DHRSX: variants seen among roughly 807,000 people sequenced by gnomAD.
The protein encoded by DHRSX is dehydrogenase/reductase X-linked.
A neutral mutation model predicts 34.0 loss-of-function variants in DHRSX; 31 were observed. The ratio of observed to expected loss-of-function variants is 0.91; its 90% CI spans 0.69 to 1.23. The LOEUF is 1.23. DHRSX is among the 50% of genes most tolerant of loss of function. The pLI is 0.00. For missense variants in DHRSX, 414 were observed against 428.1 expected (o/e 0.97, Z 0.29); for synonymous variants, 201 against 183.8 (o/e 1.09, Z -0.76).
chrX:2,243,250 A>AG lies in DHRSX; in HGVS notation c.597-21dup. On this transcript the variant is annotated intron_variant, in intron 5 of 6. Transcript: ENST00000334651. The stretch of plus-strand genomic sequence containing the variant: ...CAGGCACTGTGGGGCAAGCAGGAGA[A>AG]GGTGTAAGAGGCTGACGGCGTTCAC... 6.2e-7 allele frequency: 1 copy of AG among 1,609,096 alleles called. No individual in the cohort carries two copies. Among genetic ancestry groups the AG allele is most frequent in the Non-Finnish European group, 8.5e-7 (1 of 1,176,252 alleles).
chrX:2,406,344 C>A (rs1257184477), intron 3 of DHRSX, among the ~76,000 whole-genome samples: 8 of 152,020 alleles, frequency 5.3e-5, no homozygotes, highest in Admixed American at 3.9e-4. Flanking sequence ...CACTAATCAT[C>A]AGGGAAATGC....
At chrX:2,239,683 G>A (rs1326704687) in intron 6 of DHRSX, among the ~76,000 whole-genome samples, 3 of 151,988 alleles carry the variant, frequency 2.0e-5, no homozygotes, top group East Asian at 1.9e-4. Flanking sequence ...GCAGGAGAAC[G>A]GCATGAACCT....
At chrX:2,451,374 C>T (rs28544256) in intron 1 of DHRSX, among the ~76,000 whole-genome samples, 1 of 152,022 alleles carries the variant, frequency 6.6e-6, no homozygotes, top group African/African-American at 2.4e-5. Context: ...CAAGTCTACA[C>T]GAATATAAAG....
At chrX:2,377,286 C>T (rs926849107) in intron 3 of DHRSX, among the ~76,000 whole-genome samples, 37 of 151,806 alleles carry the variant, frequency 2.4e-4, no homozygotes, top group Non-Finnish European at 5.1e-4. Flanking sequence ...CAATACAACT[C>T]ATTGCCATGT....
At chrX:2,422,691 C>T (rs975572150) in intron 2 of DHRSX, among the ~76,000 whole-genome samples, 6 of 152,134 alleles carry the variant, frequency 3.9e-5, no homozygotes, top group African/African-American at 1.2e-4. Context: ...CACTTGTAAT[C>T]CCAGCACTTT....
intron 3 of DHRSX, among the ~76,000 whole-genome samples, chrX:2,348,267 G>T (rs989087276): frequency 6.6e-6 from 1 of 152,176 alleles, no homozygotes; most frequent in African/African-American, 2.4e-5. Context: ...TCTGTGTTCT[G>T]GCCTCTGAGA....
intron 1 of DHRSX, among the ~76,000 whole-genome samples, chrX:2,499,627 C>G (rs2045363263): frequency 1.3e-5 from 2 of 151,702 alleles, no homozygotes; most frequent in South Asian, 4.2e-4. Flanking sequence ...AAAACATTAG[C>G]CAGGCGTGGT....
chrX:2,304,171 T>TAGATG (rs2042065675), intron 3 of DHRSX, among the ~76,000 whole-genome samples: 1 of 72,752 alleles, frequency 1.4e-5, no homozygotes, highest in Non-Finnish European at 2.4e-5. Flanking sequence ...ATGGATGAAC[T>TAGATG]GATGGATGGA....
intron 3 of DHRSX, among the ~76,000 whole-genome samples, chrX:2,380,300 CAAAAAAAAAAA>C (rs60910908): frequency 2.7e-3 from 114 of 41,624 alleles, no homozygotes; most frequent in Admixed American, 9.1e-3. Context: ...GACTCCGTCT[CAAAAAAAAAAA>C]AAAAAAAAAA....
At position 2,313,313 on chromosome X, in the gene DHRSX, T is replaced by G. The variant is rs1480520110; in HGVS notation, c.287-21710A>C. Among the ~76,000 whole-genome samples the G allele has an allele frequency of 2.6e-5, 4 of 151,986 alleles. No individual in the cohort carries two copies. In the South Asian group the frequency reaches 6.2e-4, roughly 24 times the overall value. On this transcript the variant is annotated intron_variant, in intron 3 of 6. Transcript: ENST00000334651. The stretch of plus-strand genomic sequence containing the variant: ...ATGAGCCACCGTACCTGGCCCAAGA[T>G]ATCCCTTTTTAGGCCAAACCAACGT...
chrX:2,404,711 G>A (rs1574001), intron 3 of DHRSX, among the ~76,000 whole-genome samples: 71,935 of 151,906 alleles, frequency 0.47, 17,696 homozygotes, highest in Middle Eastern at 0.62. Flanking sequence ...TCACTTCTAT[G>A]ATATACTTCC....
chrX:2,238,223 G>C (rs968678494), intron 6 of DHRSX, among the ~76,000 whole-genome samples: 16 of 152,134 alleles, frequency 1.1e-4, no homozygotes, highest in African/African-American at 3.9e-4. Context: ...CAGGCATGCT[G>C]GTGCATTCGT....
At chrX:2,236,142 A>G (rs768910430) in intron 6 of DHRSX, among the ~76,000 whole-genome samples, 2 of 152,174 alleles carry the variant, frequency 1.3e-5, no homozygotes, top group South Asian at 4.1e-4. Flanking sequence ...TAAAATAAAT[A>G]AATCCGCACC....
At chrX:2,263,806 C>A (rs1046032172) in intron 5 of DHRSX, among the ~76,000 whole-genome samples, 1 of 152,182 alleles carries the variant, frequency 6.6e-6, no homozygotes, top group Admixed American at 6.5e-5. Flanking sequence ...CCACCACACC[C>A]GGACTGCTGG....
chrX:2,283,205 C>T (rs1282373845), intron 4 of DHRSX, among the ~76,000 whole-genome samples: 1 of 151,990 alleles, frequency 6.6e-6, no homozygotes, highest in Non-Finnish European at 1.5e-5. Flanking sequence ...AACATCTAGC[C>T]TTCTCTGGCA....
intron 3 of DHRSX, among the ~76,000 whole-genome samples, chrX:2,405,265 G>T (rs907512840): frequency 1.3e-5 from 2 of 151,810 alleles, no homozygotes; most frequent in Admixed American, 1.3e-4. Context: ...GAGGCGGGTG[G>T]ATCATGAGGT....
chrX:2,291,597 A>T lies in DHRSX; in HGVS notation c.293T>A (p.Phe98Tyr). The T allele has an allele frequency of 6.2e-7, 1 of 1,613,614 alleles. No homozygotes were observed. Among genetic ancestry groups the T allele is most frequent in the Non-Finnish European group, 8.5e-7 (1 of 1,179,512 alleles). ...KEETLNDKVEFLYCDLASMTS... is the reference protein window; with the variant it reads ...KEETLNDKVEYLYCDLASMTS... ...CATGGAAGCCAAGTCACAGTATAAAAATTCCACTGGAAAAGGACAACAACA... is the reference window on the plus strand; with the variant it reads ...CATGGAAGCCAAGTCACAGTATAAATATTCCACTGGAAAAGGACAACAACA... The change falls in exon 4 of 7, where the codon TTT becomes TAT. Residue 98 changes from phenylalanine (F) to tyrosine (Y), a missense_variant. Phe to Tyr is a conservative substitution (Grantham distance 22). Transcript: ENST00000334651.
chrX:2,249,513 CT>C (rs753035485), intron 5 of DHRSX, among the ~76,000 whole-genome samples: 267 of 70,190 alleles, frequency 3.8e-3, no homozygotes, highest in Admixed American at 5.9e-3. Context: ...CTTTTTGTGC[CT>C]TTTTTTTTTT....
At chrX:2,264,152 C>T (rs947555134) in intron 5 of DHRSX, among the ~76,000 whole-genome samples, 4 of 152,350 alleles carry the variant, frequency 2.6e-5, no homozygotes, top group African/African-American at 9.6e-5. Context: ...ACATATCCCA[C>T]AACACAGCGC....
Sources: allele counts gnomAD v4.1 joint callset (sites outside exome capture counted in the v4.1 genomes callset), GRCh38; gene constraint gnomAD v4.1.1; transcripts MANE v1.5; gene names NCBI Gene and HGNC (gene_info 2026-07-23, HGNC 2026-07-21).